TENM4: variants seen among roughly 807,000 people sequenced by gnomAD.
TENM4 encodes the protein teneurin-4.
In TENM4, 82 loss-of-function variants were observed where a neutral mutation model predicts 243.3. That is an observed-to-expected ratio of 0.34 (90% CI 0.28 to 0.40). The LOEUF is 0.40. Ranked by LOEUF, TENM4 falls within the 10% of genes least tolerant of loss-of-function variation. TENM4 has a pLI of 1.00. For synonymous variants in TENM4, 1,412 were observed against 1,456.3 expected, an observed-to-expected ratio of 0.97 and a Z score of 0.69; for missense variants, 3,138 against 3,673.3, an observed-to-expected ratio of 0.85 and a Z score of 3.77.
chr11:78,900,330 G>A (rs1233930484), intron 7 of TENM4, among the ~76,000 whole-genome samples: 1 of 152,192 alleles, frequency 6.6e-6, no homozygotes, highest in African/African-American at 2.4e-5. Flanking sequence ...CTGAGGATAG[G>A]GTATGTCTGA....
intron 1 of TENM4, among the ~76,000 whole-genome samples, chr11:79,370,619 T>C (rs1360936761): frequency 6.6e-6 from 1 of 151,900 alleles, no homozygotes; most frequent in Non-Finnish European, 1.5e-5. Flanking sequence ...AGCGTGGGGC[T>C]TCTGTTGGGA....
chr11:78,738,977 T>C (rs1458231931), intron 19 of TENM4, among the ~76,000 whole-genome samples: 3 of 152,042 alleles, frequency 2.0e-5, no homozygotes, highest in Admixed American at 1.3e-4. Context: ...GTGCCAGTTC[T>C]TTGAGGCTTT....
At chr11:79,207,896 G>A (rs921183387) in intron 3 of TENM4, among the ~76,000 whole-genome samples, 1 of 150,212 alleles carries the variant, frequency 6.7e-6, no homozygotes, top group Admixed American at 6.6e-5. Context: ...AAAAAGTGGG[G>A]GATAATTTAG....
At chr11:78,968,629 C>T (rs7947654) in intron 6 of TENM4, among the ~76,000 whole-genome samples, 72,091 of 152,066 alleles carry the variant, frequency 0.47, 17,587 homozygotes, top group African/African-American at 0.55. Flanking sequence ...TTTACAGAGC[C>T]TCTCCTGGAG....
chr11:79,337,113 T>A (rs937000210), intron 1 of TENM4, among the ~76,000 whole-genome samples: 2 of 152,260 alleles, frequency 1.3e-5, no homozygotes, highest in Non-Finnish European at 1.5e-5. Context: ...TTAAGTTTTG[T>A]CAGCAACTAT....
At chr11:79,227,791 T>C (rs1864300459) in intron 2 of TENM4, among the ~76,000 whole-genome samples, 1 of 152,068 alleles carries the variant, frequency 6.6e-6, no homozygotes, top group Non-Finnish European at 1.5e-5. Flanking sequence ...CTTGGTCAGG[T>C]TAGGGTGTTT....
chr11:79,294,107 A>T (rs1291626054), intron 2 of TENM4, among the ~76,000 whole-genome samples: 2 of 152,216 alleles, frequency 1.3e-5, no homozygotes, highest in African/African-American at 4.8e-5. Flanking sequence ...TGCATGGCTA[A>T]TGAAATAATC....
chr11:78,705,320 A>G (rs1230084682), intron 27 of TENM4, among the ~76,000 whole-genome samples: 3 of 152,198 alleles, frequency 2.0e-5, no homozygotes, highest in African/African-American at 7.2e-5. Flanking sequence ...GAAGGAATGT[A>G]GAGCAAGTGC....
At chr11:79,053,385 G>A (rs1315197447) in intron 6 of TENM4, among the ~76,000 whole-genome samples, 1 of 152,146 alleles carries the variant, frequency 6.6e-6, no homozygotes, top group Non-Finnish European at 1.5e-5. Flanking sequence ...ATCAGAGAAG[G>A]CATTTGTCAC....
chr11:79,151,379 C>T (rs1028687827), intron 3 of TENM4, among the ~76,000 whole-genome samples: 15 of 152,142 alleles, frequency 9.9e-5, no homozygotes, highest in African/African-American at 3.4e-4. Context: ...TAGAAGATTG[C>T]TTATCTAGAA....
intron 4 of TENM4, among the ~76,000 whole-genome samples, chr11:79,144,765 A>T (rs989711846): frequency 2.0e-5 from 3 of 152,072 alleles, no homozygotes; most frequent in Non-Finnish European, 4.4e-5. Context: ...GAATGTAAGG[A>T]TGATTACCAG....
At chr11:79,185,654 T>C (rs1023717250) in intron 3 of TENM4, among the ~76,000 whole-genome samples, 7 of 152,172 alleles carry the variant, frequency 4.6e-5, no homozygotes, top group East Asian at 1.9e-4. Flanking sequence ...TTGGACCACA[T>C]GAAAGCTGAA....
At position 78,744,278 on chromosome 11, in the gene TENM4, T is replaced by G. The variant is rs75236341; in HGVS notation, c.2757-5708A>C. 9.3e-3 allele frequency among the ~76,000 whole-genome samples: 1,411 copies of G among 152,352 alleles called. 14 individuals carry two copies. Among genetic ancestry groups the G allele is most frequent in the African/African-American group, 0.032 (1,311 of 41,586 alleles). ...ATCTGTAGCTCTCTCTTCCTAGTTTTCCATCTGACGCTCTACCTCAGTTTC... is the reference window on the plus strand; with the variant it reads ...ATCTGTAGCTCTCTCTTCCTAGTTTGCCATCTGACGCTCTACCTCAGTTTC... On this transcript the variant is annotated intron_variant, in intron 19 of 33. Coordinates refer to ENST00000278550, the MANE Select transcript of TENM4 (RefSeq NM_001098816.3).
intron 1 of TENM4, among the ~76,000 whole-genome samples, chr11:79,421,540 A>G (rs910960694): frequency 1.3e-5 from 2 of 152,190 alleles, no homozygotes; most frequent in African/African-American, 4.8e-5. Context: ...GCAGAGGGCT[A>G]TCTCCCAGAG....
At chr11:78,696,246 G>A (rs1016456330) in intron 28 of TENM4, among the ~76,000 whole-genome samples, 2 of 151,786 alleles carry the variant, frequency 1.3e-5, no homozygotes, top group African/African-American at 2.4e-5. Context: ...CTTTCTTATC[G>A]TTTCTGTCTC....
intron 9 of TENM4, among the ~76,000 whole-genome samples, chr11:78,868,512 A>G (rs1859044009): frequency 6.6e-6 from 1 of 152,194 alleles, no homozygotes; most frequent in African/African-American, 2.4e-5. Context: ...ATCTCATCCC[A>G]GGGCTGACAT....
intron 4 of TENM4, among the ~76,000 whole-genome samples, chr11:79,074,081 C>T (rs962049420): frequency 8.5e-5 from 13 of 152,202 alleles, no homozygotes; most frequent in Non-Finnish European, 7.3e-5. Flanking sequence ...ACACACCTAA[C>T]GCACAGCTTC....
intron 1 of TENM4, among the ~76,000 whole-genome samples, chr11:79,426,887 C>A (rs1239942588): frequency 6.6e-6 from 1 of 152,168 alleles, no homozygotes; most frequent in Non-Finnish European, 1.5e-5. Flanking sequence ...AGTATTGGTA[C>A]CTTTCATTCC....
intron 19 of TENM4, 67 bp from the exon 20 acceptor site, chr11:78,738,637 A>G (rs749466426): frequency 4.6e-6 from 7 of 1,536,808 alleles, no homozygotes; most frequent in Non-Finnish European, 6.1e-6. Context: ...CTGGCAGGGA[A>G]CCCCGAGAGG....
Sources: gnomAD v4.1 joint callset for allele counts (sites outside exome capture counted in the v4.1 genomes callset) on GRCh38, gnomAD v4.1.1 for gene constraint, MANE v1.5 for transcripts, NCBI Gene and HGNC (gene_info 2026-07-23, HGNC 2026-07-21) for gene names.